The following MKLN1 variants were observed in gnomAD, a reference collection of about 807,000 sequenced individuals.
MKLN1 encodes the protein muskelin 1, also known as muskelin.
MKLN1 carries 18 observed loss-of-function variants against 99.0 expected under a neutral mutation model. The ratio of observed to expected loss-of-function variants is 0.18; its 90% confidence interval spans 0.13 to 0.27. MKLN1 has a LOEUF of 0.27. MKLN1 is among the 10% of genes least tolerant of loss of function. The pLI is 1.00. For missense variants in MKLN1, 621 were observed against 875.9 expected, an observed-to-expected ratio of 0.71 and a Z score of 3.67; for synonymous variants, 288 against 293.2, an observed-to-expected ratio of 0.98 and a Z score of 0.18.
At chr7:131,272,852 C>T (rs895259563) in intron 3 of MKLN1, among the ~76,000 whole-genome samples, 12 of 152,266 alleles carry the variant, frequency 7.9e-5, no homozygotes, top group Admixed American at 3.9e-4. Context: ...TACCCCTCCC[C>T]GGGTCCCTCC....
intron 9 of MKLN1, 146 bp from the exon 10 acceptor site, chr7:131,437,639 T>G (rs1795712024): frequency 6.3e-6 from 4 of 633,758 alleles, no homozygotes; most frequent in Non-Finnish European, 1.1e-5. Context: ...AGTGTTGGAC[T>G]CATATTGGTT....
intron 3 of MKLN1, among the ~76,000 whole-genome samples, chr7:131,285,937 G>T (rs1798123970): frequency 1.3e-5 from 2 of 149,306 alleles, no homozygotes; most frequent in Non-Finnish European, 3.0e-5. Context: ...CTCTGCGTGT[G>T]TTTCCTCAGC....
intron 8 of MKLN1, among the ~76,000 whole-genome samples, chr7:131,421,638 A>T (rs143811530): frequency 6.6e-6 from 1 of 152,312 alleles, no homozygotes; most frequent in East Asian, 1.9e-4. Context: ...CATGCATTTG[A>T]TATGCCATAT....
intron 2 of MKLN1, among the ~76,000 whole-genome samples, chr7:131,162,035 TAC>T (rs1563236342): frequency 3.0e-5 from 2 of 67,314 alleles, no homozygotes; most frequent in African/African-American, 4.7e-5. Flanking sequence ...TATATATATA[TAC>T]ACACACACAC....
chr7:131,404,079 T>C (rs1332845212), intron 6 of MKLN1, among the ~76,000 whole-genome samples: 2 of 152,234 alleles, frequency 1.3e-5, no homozygotes, highest in African/African-American at 2.4e-5. Context: ...TGTCTTACTC[T>C]TTTCAGGTAT....
chr7:131,368,009 T>A (rs1397396337), intron 1 of MKLN1, among the ~76,000 whole-genome samples: 2 of 152,078 alleles, frequency 1.3e-5, no homozygotes, highest in East Asian at 3.9e-4. Flanking sequence ...ATACCACTAG[T>A]GATGGTAGAT....
At chr7:131,289,808 T>C (rs1447207555) in intron 3 of MKLN1, among the ~76,000 whole-genome samples, 1 of 152,206 alleles carries the variant, frequency 6.6e-6, no homozygotes, top group Non-Finnish European at 1.5e-5. Context: ...TTTAAGTGTT[T>C]GTTAGGTAAA....
chr7:131,429,198 C>A, intron 9 of MKLN1, 53 bp downstream of exon 9: 2 of 1,201,548 alleles, frequency 1.7e-6, no homozygotes, highest in Non-Finnish European at 1.2e-6. Flanking sequence ...CGTAGATGTG[C>A]ACTTGTTTTT....
chr7:131,328,880 A>G (rs190417927), intron 1 of MKLN1, among the ~76,000 whole-genome samples: 8 of 152,224 alleles, frequency 5.3e-5, no homozygotes, highest in Non-Finnish European at 8.8e-5. Context: ...ATACTCTTAC[A>G]TAGTATCTTA....
Position 131,205,633 on chromosome 7 carries a change from G to T in MKLN1, c.-179+2659G>T, listed in dbSNP as rs556712802. On this transcript the variant is annotated intron_variant, in intron 3 of 7. Transcript: ENST00000416992. The stretch of plus-strand genomic sequence containing the variant: ...GGTATTCATCAGGCTAGACTCTTAC[G>T]TGGGGGCTCGGGGGAAGACTCTGCT... 1.2e-3 allele frequency among the ~76,000 whole-genome samples: 180 copies of T among 152,200 alleles called. 1 individual carries two copies. The highest frequency in any genetic ancestry group is 4.1e-3 in the African/African-American group (171 of 41,538).
intron 2 of MKLN1, among the ~76,000 whole-genome samples, chr7:131,153,255 T>C (rs1291665216): frequency 6.6e-6 from 1 of 152,154 alleles, no homozygotes; most frequent in Non-Finnish European, 1.5e-5. Flanking sequence ...GTTTTCTCTA[T>C]TGTAATTATA....
At chr7:131,481,519 A>G (rs1482279025) in intron 17 of MKLN1, among the ~76,000 whole-genome samples, 1 of 152,170 alleles carries the variant, frequency 6.6e-6, no homozygotes, top group African/African-American at 2.4e-5. Context: ...CCAGAGTAAC[A>G]TAGCAGGATC....
chr7:131,219,301 A>G (rs142778971), intron 3 of MKLN1, among the ~76,000 whole-genome samples: 4 of 152,136 alleles, frequency 2.6e-5, no homozygotes, highest in African/African-American at 9.6e-5. Flanking sequence ...AATGCCTGAT[A>G]TAATAGTAGG....
At chr7:131,150,533 AAAG>A (rs2116283667) in intron 2 of MKLN1, among the ~76,000 whole-genome samples, 1 of 152,198 alleles carries the variant, frequency 6.6e-6, no homozygotes, top group South Asian at 2.1e-4. Context: ...GCTATTTCAC[AAAG>A]TCATTGTACT....
intron 3 of MKLN1, among the ~76,000 whole-genome samples, chr7:131,317,713 CA>C (rs1453161352): frequency 7.5e-6 from 1 of 134,156 alleles, no homozygotes; most frequent in Non-Finnish European, 1.5e-5. Flanking sequence ...AGACCCATCT[CA>C]CATGCAAAGA....
At chr7:131,326,859 G>A (rs541461408), upstream of MKLN1, 1 of 152,376 alleles carries the variant, frequency 6.6e-6, no homozygotes, top group East Asian at 1.9e-4. Context: ...TTCAGGTGAA[G>A]ATGATGACAC....
chr7:131,413,328 C>T (rs1253973558), intron 7 of MKLN1, among the ~76,000 whole-genome samples: 1 of 152,138 alleles, frequency 6.6e-6, no homozygotes, highest in African/African-American at 2.4e-5. Flanking sequence ...TAAGAACTGA[C>T]ATTTCAGTCA....
intron 15 of MKLN1, among the ~76,000 whole-genome samples, chr7:131,470,524 C>A (rs550780533): frequency 2.3e-4 from 35 of 152,084 alleles, no homozygotes; most frequent in Non-Finnish European, 4.6e-4. Context: ...TTATAAAATA[C>A]GTAGTATATT....
chr7:131,215,581 C>T (rs147172550), intron 3 of MKLN1, among the ~76,000 whole-genome samples: 372 of 152,356 alleles, frequency 2.4e-3, no homozygotes, highest in African/African-American at 8.6e-3. Flanking sequence ...CCTCCCACCT[C>T]AGCCTTCCAA....
Sources: gnomAD v4.1 joint callset for allele counts (sites outside exome capture counted in the v4.1 genomes callset) on GRCh38, gnomAD v4.1.1 for gene constraint, MANE v1.5 for transcripts, NCBI Gene and HGNC (gene_info 2026-07-23, HGNC 2026-07-21) for gene names.